Variants in SPON1 observed in about 807,000 individuals in gnomAD.
SPON1 encodes the protein spondin 1, also known as spondin-1.
SPON1 carries 52 observed loss-of-function variants against 111.7 expected under a neutral mutation model. The observed-to-expected ratio is 0.47, with a 90% CI of 0.37 to 0.59. The LOEUF (loss-of-function observed/expected upper bound fraction) is 0.59. Among genes scored for constraint, SPON1 ranks in the 20% least tolerant of loss-of-function variants. The pLI, the probability that SPON1 is intolerant of heterozygous loss-of-function variation, is 0.00. For missense variants in SPON1, 957 were observed against 1,068.5 expected, an observed-to-expected ratio of 0.90 and a Z score of 1.46; for synonymous variants, 410 against 395.8, an observed-to-expected ratio of 1.04 and a Z score of -0.43.
intron 6 of SPON1, among the ~76,000 whole-genome samples, chr11:14,157,512 C>G (rs1434782236): frequency 6.6e-6 from 1 of 152,042 alleles, no homozygotes; most frequent in Non-Finnish European, 1.5e-5. Context: ...GTAGGCATGA[C>G]TTTATTTATA....
At chr11:14,060,097 C>G (rs1336514815) in intron 3 of SPON1, among the ~76,000 whole-genome samples, 1 of 152,172 alleles carries the variant, frequency 6.6e-6, no homozygotes, top group Non-Finnish European at 1.5e-5. Context: ...ACCTTCCGCT[C>G]TACCCCCCCA....
intron 6 of SPON1, among the ~76,000 whole-genome samples, chr11:14,185,074 G>A (rs1316629269): frequency 6.6e-6 from 1 of 152,178 alleles, no homozygotes; most frequent in Non-Finnish European, 1.5e-5. Flanking sequence ...TGAATCTCTT[G>A]TGCAACCCTC....
intron 5 of SPON1, among the ~76,000 whole-genome samples, chr11:14,113,164 A>T (rs1849238228): frequency 6.6e-6 from 1 of 152,202 alleles, no homozygotes; most frequent in Admixed American, 6.5e-5. Flanking sequence ...TTTAATCTCT[A>T]AGAAACTCAA....
chr11:14,061,732 T>G (rs562091972), intron 3 of SPON1, among the ~76,000 whole-genome samples: 5 of 152,360 alleles, frequency 3.3e-5, no homozygotes, highest in Admixed American at 2.0e-4. Flanking sequence ...AACAGTCAGA[T>G]TGCAGACATT....
At chr11:13,980,730 T>C (rs1340630583) in intron 1 of SPON1, among the ~76,000 whole-genome samples, 1 of 152,234 alleles carries the variant, frequency 6.6e-6, no homozygotes, top group African/African-American at 2.4e-5. Context: ...GTCAAATGAA[T>C]TGATTTTTTA....
intron 7 of SPON1, among the ~76,000 whole-genome samples, chr11:14,253,893 C>A (rs1849078853): frequency 6.6e-6 from 1 of 152,228 alleles, no homozygotes; most frequent in Non-Finnish European, 1.5e-5. Context: ...TCCTTTCCAG[C>A]CACTCTGAGT....
chr11:14,251,313 G>A lies in SPON1; in HGVS notation c.891-3215G>A, dbSNP rs139384149. Among the ~76,000 whole-genome samples, 355 of 152,290 alleles carry A rather than the reference G, an allele frequency of 2.3e-3. 3 individuals are homozygous for A. In the East Asian group the frequency reaches 0.025, roughly 11 times the overall value. ...GTGACCTCATAGTCAGGAATTGGCC[G>A]CCCCACGTTTCCCACACCTTGAAAC... On this transcript the variant is annotated intron_variant, in intron 7 of 15. Coordinates refer to ENST00000576479, the MANE Select transcript of SPON1 (RefSeq NM_006108.4).
chr11:14,194,041 C>T (rs782234096), intron 6 of SPON1, among the ~76,000 whole-genome samples: 84 of 152,334 alleles, frequency 5.5e-4, no homozygotes, highest in Non-Finnish European at 9.1e-4. Context: ...CCAAGGAACA[C>T]GTTTTAGAAA....
At chr11:14,065,648 T>G (rs2133825161) in intron 3 of SPON1, among the ~76,000 whole-genome samples, 1 of 152,344 alleles carries the variant, frequency 6.6e-6, no homozygotes, top group East Asian at 1.9e-4. Flanking sequence ...TTGGAATATT[T>G]TATTAAATGG....
At chr11:14,093,463 C>T (rs1055684894) in intron 5 of SPON1, among the ~76,000 whole-genome samples, 2 of 152,160 alleles carry the variant, frequency 1.3e-5, no homozygotes, top group African/African-American at 2.4e-5. Flanking sequence ...CATAGCTTCC[C>T]CCATTTTTGA....
At chr11:14,159,946 TAGTG>T (rs1363290026) in intron 6 of SPON1, among the ~76,000 whole-genome samples, 1 of 151,912 alleles carries the variant, frequency 6.6e-6, no homozygotes, top group Non-Finnish European at 1.5e-5. Context: ...TACAAAAACA[TAGTG>T]AGAACGAATG....
intron 5 of SPON1, among the ~76,000 whole-genome samples, chr11:14,103,282 C>T (rs1320928385): frequency 6.6e-6 from 1 of 152,298 alleles, no homozygotes; most frequent in Non-Finnish European, 1.5e-5. Context: ...CCCTGCAAGT[C>T]TGGAAACAGA....
chr11:14,030,046 C>T (rs1198255597), intron 2 of SPON1, among the ~76,000 whole-genome samples: 1 of 152,212 alleles, frequency 6.6e-6, no homozygotes, highest in Non-Finnish European at 1.5e-5. Context: ...GTGACAAGAG[C>T]TGGTATCTCA....
chr11:14,009,521 T>C (rs782453266), intron 2 of SPON1, among the ~76,000 whole-genome samples: 1 of 152,244 alleles, frequency 6.6e-6, no homozygotes, highest in African/African-American at 2.4e-5. Context: ...CTTAGCACCA[T>C]TATATGCTCT....
chr11:14,067,655 C>G (rs1036624417), intron 3 of SPON1, among the ~76,000 whole-genome samples: 6 of 152,144 alleles, frequency 3.9e-5, no homozygotes, highest in Non-Finnish European at 8.8e-5. Context: ...CCTGGTTTTA[C>G]AGACTTAGTC....
chr11:14,018,368 G>A (rs1848457888), intron 2 of SPON1, among the ~76,000 whole-genome samples: 1 of 152,126 alleles, frequency 6.6e-6, no homozygotes, highest in Admixed American at 6.6e-5. Flanking sequence ...GAAGAGGCAA[G>A]GATAGATTCA....
At chr11:13,987,984 A>T (rs1330132502) in intron 2 of SPON1, among the ~76,000 whole-genome samples, 1 of 152,108 alleles carries the variant, frequency 6.6e-6, no homozygotes, top group Non-Finnish European at 1.5e-5. Flanking sequence ...GTCAGGTAGC[A>T]TGATGCCTCC....
chr11:14,106,805 A>G (rs1172546573), intron 5 of SPON1, among the ~76,000 whole-genome samples: 1 of 152,142 alleles, frequency 6.6e-6, no homozygotes, highest in African/African-American at 2.4e-5. Flanking sequence ...CCTTTACTAT[A>G]CCACTGAGTT....
intron 6 of SPON1, among the ~76,000 whole-genome samples, chr11:14,140,842 G>A (rs1432825079): frequency 6.6e-6 from 1 of 152,102 alleles, no homozygotes; most frequent in Non-Finnish European, 1.5e-5. Flanking sequence ...CCACTGCACA[G>A]CTAGTATACG....
Sources: allele counts gnomAD v4.1 joint callset (sites outside exome capture counted in the v4.1 genomes callset), GRCh38; gene constraint gnomAD v4.1.1; transcripts MANE v1.5; gene names NCBI Gene and HGNC (gene_info 2026-07-23, HGNC 2026-07-21).